Variants in MLX observed in about 807,000 individuals in gnomAD.
MLX encodes the protein MAX dimerization protein MLX, also known as max-like protein X.
A neutral mutation model predicts 33.0 loss-of-function variants in MLX; 15 were observed. The observed-to-expected ratio is 0.45, with a 90% CI of 0.30 to 0.70. MLX has a LOEUF of 0.70. MLX is among the 30% of genes least tolerant of loss of function. The pLI, the probability that MLX is intolerant of heterozygous loss-of-function variation, is 0.07. For missense variants in MLX, 285 were observed against 306.3 expected (o/e 0.93, Z 0.52); for synonymous variants, 115 against 115.6 (o/e 0.99, Z 0.03).
rs745504523 is a variant in MLX, at chr17:42,568,893, C to T, written c.226C>T (p.Arg76Trp). 3.1e-6 allele frequency: 5 copies of T among 1,611,450 alleles called. No individual in the cohort carries two copies. Among genetic ancestry groups the T allele is most frequent in the Non-Finnish European group, 4.2e-6 (5 of 1,178,710 alleles). Residue 76 changes from arginine to tryptophan, a missense_variant, in exon 4 of 8, where the codon CGG (arginine) becomes TGG (tryptophan). By Grantham distance (101) the Arg-to-Trp change is moderately radical. Coordinates refer to ENST00000435881, the MANE Select transcript of MLX (RefSeq NM_198204.2). ...EAYKESYKDRRRRAHTQAEQK... is the reference protein window; with the variant it reads ...EAYKESYKDRWRRAHTQAEQK... ...CTACAAGGAGTCCTACAAAGACCGGCGGCGGCGCGCACACACTCAGGCTGA... is the reference window on the plus strand; with the variant it reads ...CTACAAGGAGTCCTACAAAGACCGGTGGCGGCGCGCACACACTCAGGCTGA...
Position 42,567,149 on chromosome 17 carries a change from G to A in MLX, c.25G>A (p.Glu9Lys). The A allele has an allele frequency of 1.6e-6, 2 of 1,266,384 alleles. No homozygotes were observed. The highest frequency in any genetic ancestry group is 2.0e-6 in the Non-Finnish European group (2 of 1,005,896). The allele number at this position is 1,266,384 out of a possible 1,614,324, so 78.4% of individuals were successfully genotyped here. The change falls in exon 1 of 8, where the codon GAG (glutamate) becomes AAG (lysine). Residue 9 changes from glutamate (E) to lysine (K), a missense_variant. By Grantham distance (56) the Glu-to-Lys change is moderately conservative. Transcript: ENST00000435881. MTEPGASP[E>K]DPWVKVEYAY... is the part of the protein sequence containing the mutation. ...GATGACGGAGCCGGGCGCCTCTCCC[G>A]AGGACCCTTGGGTCAAGGCAAGCCC...
Position 42,572,106 on chromosome 17 carries a change from G to C in MLX, c.*503G>C. 1 of 281,410 alleles carries C rather than the reference G, an allele frequency of 3.6e-6. No homozygotes were observed. Among genetic ancestry groups the C allele is most frequent in the Admixed American group, 4.8e-5 (1 of 21,004 alleles). The allele number at this position is 281,410 out of a possible 1,614,324, so 17.4% of individuals were successfully genotyped here. ...ATTCCCACAGCCATGAAGGGTGAAA[G>C]GGCACCTTGTGCCTAGACTAGGGCT... On this transcript the variant is annotated 3_prime_UTR_variant, in exon 8 of 8. Coordinates refer to ENST00000435881, the MANE Select transcript of MLX (RefSeq NM_198204.2).
chr17:42,567,942 G>A, intron 2 of MLX: 1 of 539,824 alleles, frequency 1.9e-6, no homozygotes, highest in Non-Finnish European at 3.3e-6. Context: ...GAGCCAGGGG[G>A]GTATCATGCA....
At chr17:42,568,440 C>T in intron 2 of MLX, 30 bp from the exon 3 acceptor site, 5 of 1,540,998 alleles carry the variant, frequency 3.2e-6, no homozygotes, top group Non-Finnish European at 3.6e-6. Flanking sequence ...CCCACCCCAC[C>T]CCTTAGTGAT....
chr17:42,572,782 C>T lies in MLX; in HGVS notation c.*1179C>T. 1.4e-6 allele frequency: 1 copy of T among 728,304 alleles called. No individual in the cohort carries two copies. The highest frequency in any genetic ancestry group is 2.7e-5 in the East Asian group (1 of 36,914). The allele number at this position is 728,304 out of a possible 1,614,324, so 45.1% of individuals were successfully genotyped here. ...TAGACAATGAAATGGGCTGGGTCTA[C>T]CCCCAGCCACCAGCCCTCATCCTCT... On this transcript the variant is annotated 3_prime_UTR_variant, in exon 8 of 8. Transcript: ENST00000435881.
At chr17:42,567,997 G>A in intron 2 of MLX, 1 of 349,078 alleles carries the variant, frequency 2.9e-6, no homozygotes, top group Non-Finnish European at 5.3e-6. Context: ...GCACTGCAGC[G>A]TGGTCTGGCA....
chr17:42,572,518 C>G lies in MLX; in HGVS notation c.*915C>G, dbSNP rs910491748. On this transcript the variant is annotated 3_prime_UTR_variant, in exon 8 of 8. Transcript: ENST00000435881. ...TACTTAAAAGGGCTCCTGGGGTACACAAGCCCAGCAGGTCCTGAGTGAAGC... is the reference window on the plus strand; with the variant it reads ...TACTTAAAAGGGCTCCTGGGGTACAGAAGCCCAGCAGGTCCTGAGTGAAGC... 4.4e-6 allele frequency: 2 copies of G among 454,344 alleles called. No individual in the cohort carries two copies. The highest frequency in any genetic ancestry group is 8.8e-6 in the Non-Finnish European group (2 of 226,716). The allele number at this position is 454,344 out of a possible 1,614,324, so 28.1% of individuals were successfully genotyped here.
At chr17:42,567,703 G>A (rs763328876) in intron 2 of MLX, 48 bp downstream of exon 2, 2 of 1,612,962 alleles carry the variant, frequency 1.2e-6, no homozygotes, top group Non-Finnish European at 1.7e-6. Context: ...TCCCGCCCAG[G>A]CTCTCTAGAT....
intron 1 of MLX, 45 bp from the exon 2 acceptor site, chr17:42,567,574 T>G (rs1567908086): frequency 1.2e-6 from 2 of 1,613,100 alleles, no homozygotes; most frequent in Non-Finnish European, 1.7e-6. Flanking sequence ...CGCCTCCCCC[T>G]AGGGGCGGAG....
Position 42,572,961 on chromosome 17 carries a change from G to A in MLX, c.*1358G>A, listed in dbSNP as rs1439101185. 2 of 1,613,960 alleles carry A rather than the reference G, an allele frequency of 1.2e-6. No individual in the cohort carries two copies. The highest frequency in any genetic ancestry group is 1.7e-6 in the Non-Finnish European group (2 of 1,179,902). ...TGCAGTCCCCACCAGTCCTGACCGT[G>A]GGCCCCTCAGGGGTCTGGGAGTGTG... On this transcript the variant is annotated 3_prime_UTR_variant, in exon 8 of 8. Transcript: ENST00000435881.
chr17:42,571,495 A>G (rs1041932411), intron 7 of MLX, 52 bp from the exon 8 acceptor site: 5 of 1,585,524 alleles, frequency 3.2e-6, no homozygotes, highest in Non-Finnish European at 4.3e-6. Flanking sequence ...CTTGGAAACT[A>G]CTCTGCGTTG....
intron 4 of MLX, 98 bp downstream of exon 4, chr17:42,569,041 G>T: frequency 1.5e-6 from 2 of 1,353,224 alleles, no homozygotes; most frequent in East Asian, 2.4e-5. Flanking sequence ...AGGCACCCTA[G>T]GGGGTGGGCA....
At chr17:42,569,924 T>G in intron 6 of MLX, 58 bp from the exon 7 acceptor site, 1 of 1,514,340 alleles carries the variant, frequency 6.6e-7, no homozygotes, top group Non-Finnish European at 9.2e-7. Flanking sequence ...AGTCCCGTCA[T>G]TCTTCTTGGG....
rs1200284655 is a variant in MLX at position 42,573,066 on chromosome 17, A to AAG, written c.*1465_*1466dup. The stretch of plus-strand genomic sequence containing the variant: ...CAAGTGAATGAGATGTCACCAGGAT[A>AAG]AGACCACAGGGAAGCAAAGAAGGAA... On this transcript the variant is annotated 3_prime_UTR_variant, in exon 8 of 8. Coordinates refer to ENST00000435881, the MANE Select transcript of MLX (RefSeq NM_198204.2). 1.8e-5 allele frequency: 29 copies of AAG among 1,614,160 alleles called. No individual in the cohort carries two copies. Among genetic ancestry groups the AAG allele is most frequent in the Non-Finnish European group, 2.5e-5 (29 of 1,179,948 alleles).
rs184383979 is a variant in MLX at position 42,570,741 on chromosome 17, C to T, written c.678+558C>T. Among the ~76,000 whole-genome samples, 429 of 152,156 alleles carry T rather than the reference C, an allele frequency of 2.8e-3. 1 individual carries two copies. The highest frequency in any genetic ancestry group is 5.1e-3 in the Non-Finnish European group (349 of 67,998). ...CACAATCTCGGCTCACTGCAACCTCCGCCTCCCGGGTTCACGCCATTCTCC... is the reference window on the plus strand; with the variant it reads ...CACAATCTCGGCTCACTGCAACCTCTGCCTCCCGGGTTCACGCCATTCTCC... On this transcript the variant is annotated intron_variant, in intron 7 of 7. Transcript: ENST00000435881.
In MLX at chr17:42,573,160, C is replaced by G. The variant is rs762439745; in HGVS notation, c.*1557C>G. ...CCTTCAAGTATTGCATCAGACAGCT[C>G]TGTAGCCTGACAAGAAATAAAACCA... On this transcript the variant is annotated 3_prime_UTR_variant, in exon 8 of 8. Transcript: ENST00000435881. 1 of 1,614,226 alleles carries G rather than the reference C, an allele frequency of 6.2e-7. No homozygotes were observed. Among genetic ancestry groups the G allele is most frequent in the Non-Finnish European group, 8.5e-7 (1 of 1,180,034 alleles).
At chr17:42,567,432 T>G in intron 1 of MLX, 187 bp from the exon 2 acceptor site, 5 of 1,372,832 alleles carry the variant, frequency 3.6e-6, no homozygotes, top group Non-Finnish European at 4.9e-6. Context: ...TCGCACGCCC[T>G]AGCCTGTGCC....
rs559675754 is a variant in MLX, at chr17:42,567,719, T to C, written c.79+64T>C. 1.1e-4 allele frequency: 171 copies of C among 1,609,972 alleles called. No homozygotes were observed. In the South Asian group the frequency reaches 1.6e-3, roughly 15 times the overall value. ...CCCGCCCAGGCTCTCTAGATTCTTG[T>C]GGCGTTGCCAACCACGCCTGAGCAC... On this transcript the variant is annotated intron_variant, in intron 2 of 7. Transcript: ENST00000435881.
chr17:42,571,641 C>G lies in MLX; in HGVS notation c.*38C>G. ...AACCTGGAGAACAGCCAACAAGAGG[C>G]CCTTGAATCTCTACGTGGCCACTGA... On this transcript the variant is annotated 3_prime_UTR_variant, in exon 8 of 8. Coordinates refer to ENST00000435881, the MANE Select transcript of MLX (RefSeq NM_198204.2). 1 of 1,603,494 alleles carries G rather than the reference C, an allele frequency of 6.2e-7. No homozygotes were observed. The highest frequency in any genetic ancestry group is 8.5e-7 in the Non-Finnish European group (1 of 1,170,328).
Sources: gnomAD v4.1 joint callset for allele counts (sites outside exome capture counted in the v4.1 genomes callset) on GRCh38, gnomAD v4.1.1 for gene constraint, MANE v1.5 for transcripts, NCBI Gene and HGNC (gene_info 2026-07-23, HGNC 2026-07-21) for gene names.